Variants in PLEKHA8 observed in about 807,000 individuals in gnomAD.
PLEKHA8 encodes the protein pleckstrin homology domain containing A8.
A neutral mutation model predicts 68.2 loss-of-function variants in PLEKHA8; 36 were observed. The ratio of observed to expected loss-of-function variants is 0.53; its 90% confidence interval spans 0.40 to 0.70. The LOEUF is 0.70. PLEKHA8 is among the 30% of genes least tolerant of loss of function. The pLI, the probability that PLEKHA8 is intolerant of heterozygous loss-of-function variation, is 0.00. For synonymous variants in PLEKHA8, 211 were observed against 216.1 expected (o/e 0.98, Z 0.20); for missense variants, 505 against 615.4 (o/e 0.82, Z 1.90).
rs752514456 is a variant in PLEKHA8 at position 30,046,479 on chromosome 7, C to G, written c.313+114C>G. ...CACCTAGCCAGCTTTTTGTGTCATG[C>G]AAATGCTGTGTATCTTAGTATAATT... On this transcript the variant is annotated intron_variant, in intron 3 of 13. Transcript: ENST00000449726. The G allele has an allele frequency of 2.6e-6, 3 of 1,175,358 alleles. No homozygotes were observed. The African/African-American group carries it at 4.7e-5, about 18-fold the overall frequency. 72.8% of individuals were successfully genotyped at this position (1,175,358 alleles called of 1,614,324 possible). A position where few individuals can be genotyped will look rare whatever the true frequency, so the allele number is the denominator to read the frequency against.
At chr7:30,099,145 A>G (rs1280784308) in intron 13 of PLEKHA8, among the ~76,000 whole-genome samples, 1 of 152,216 alleles carries the variant, frequency 6.6e-6, no homozygotes, top group Non-Finnish European at 1.5e-5. Context: ...ATTTAATCAC[A>G]CATCCAAACA....
chr7:30,083,724 C>T lies in PLEKHA8; in HGVS notation c.*4937C>T. The stretch of plus-strand genomic sequence containing the variant: ...TTAATCACTTCTGTTCCAGAGTGAA[C>T]AAATGTTTTCAGCTAAGCTATGTGA... On this transcript the variant is annotated 3_prime_UTR_variant, in exon 14 of 14. Coordinates refer to ENST00000449726, the MANE Select transcript of PLEKHA8 (RefSeq NM_001197026.2). The T allele has an allele frequency of 1.0e-6, 1 of 985,198 alleles. No homozygotes were observed. The highest frequency in any genetic ancestry group is 1.2e-6 in the Non-Finnish European group (1 of 829,766). 61.0% of individuals were successfully genotyped at this position (985,198 alleles called of 1,614,324 possible).
chr7:30,031,747 T>A (rs1790682181), intron 1 of PLEKHA8, among the ~76,000 whole-genome samples: 1 of 152,242 alleles, frequency 6.6e-6, no homozygotes, highest in South Asian at 2.1e-4. Context: ...TCTCTCCTGC[T>A]GCATTTATTG....
downstream of PLEKHA8, chr7:30,084,687 A>G (rs148914856): frequency 7.4e-4 from 647 of 871,294 alleles, 2 homozygotes; most frequent in African/African-American, 0.011. Context: ...TTTTCTGCCT[A>G]ATTGAATATG....
At position 30,056,598 on chromosome 7, in the gene PLEKHA8, G is replaced by A. The variant is rs113483094; in HGVS notation, c.1039+1256G>A. Among the ~76,000 whole-genome samples the A allele has an allele frequency of 6.7e-4, 99 of 146,844 alleles. 2 individuals carry two copies. The highest frequency in any genetic ancestry group is 2.3e-3 in the African/African-American group (91 of 40,346). Reference sequence around the variant, plus strand: ...ACAAAAATTAGCTGAGTGTGGTGGCGCGCACCTGTAATCCCAGTTACTCAG... The same window carrying A: ...ACAAAAATTAGCTGAGTGTGGTGGCACGCACCTGTAATCCCAGTTACTCAG... On this transcript the variant is annotated intron_variant, in intron 9 of 13. Coordinates refer to ENST00000449726, the MANE Select transcript of PLEKHA8 (RefSeq NM_001197026.2).
At chr7:30,093,147 G>C (rs1349618904), downstream of PLEKHA8, among the ~76,000 whole-genome samples, 11 of 152,102 alleles carry the variant, frequency 7.2e-5, no homozygotes, top group Admixed American at 7.2e-4. Context: ...GCCTAAACTG[G>C]GGCCAACTGG....
chr7:30,090,192 G>A (rs77266350), exon 13 of PLEKHA8: 53,652 of 1,549,154 alleles, frequency 0.035, 1,074 homozygotes, highest in Non-Finnish European at 0.042. Context: ...AACATACCCT[G>A]ATGAAGATCC....
chr7:30,052,100 C>T (rs139242389), intron 6 of PLEKHA8, among the ~76,000 whole-genome samples: 305 of 152,204 alleles, frequency 2.0e-3, no homozygotes, highest in African/African-American at 6.9e-3. Flanking sequence ...AAAGTGGCAC[C>T]GGAGAAAACT....
rs1366221566 is a variant in PLEKHA8, at chr7:30,050,441, AT to A, written c.606del (p.Pro203LeufsTer15). 17 of 1,579,688 alleles carry A rather than the reference AT, an allele frequency of 1.1e-5. No individual in the cohort carries two copies. The highest frequency in any genetic ancestry group is 4.1e-5 in the African/African-American group (3 of 73,350). On this transcript the variant is annotated frameshift_variant, in exon 6 of 14. Coordinates refer to ENST00000449726, the MANE Select transcript of PLEKHA8 (RefSeq NM_001197026.2). LOFTEE classifies it high-confidence loss of function. ...LAMLKSSKMK[H>X]PIIPIHNSLE... is the part of the protein sequence containing the mutation. Reference sequence around the variant, plus strand: ...TCTTTGCTTCTTTTAAAGATGAAACATCCTATTATACCAATTCATAATTCAT... The same window carrying A: ...TCTTTGCTTCTTTTAAAGATGAAACACCTATTATACCAATTCATAATTCAT...
intron 1 of PLEKHA8, among the ~76,000 whole-genome samples, chr7:30,044,108 G>A (rs576753364): frequency 6.7e-6 from 1 of 149,934 alleles, no homozygotes; most frequent in African/African-American, 2.5e-5. Context: ...CCGGGTTCAA[G>A]CGATTCTCCT....
At chr7:30,114,516 C>T (rs1796367203) in intron 13 of PLEKHA8, among the ~76,000 whole-genome samples, 1 of 152,236 alleles carries the variant, frequency 6.6e-6, no homozygotes, top group African/African-American at 2.4e-5. Flanking sequence ...GTTTTAATTA[C>T]ATCTTTTAGG....
In PLEKHA8 at chr7:30,077,577, C is replaced by T. The variant is rs548577492; in HGVS notation, c.1363-1013C>T. Among the ~76,000 whole-genome samples the T allele has an allele frequency of 1.1e-4, 17 of 152,274 alleles. No individual in the cohort carries two copies. In the South Asian group the frequency reaches 3.5e-3, roughly 32 times the overall value. On this transcript the variant is annotated intron_variant, in intron 13 of 13. Transcript: ENST00000449726. ...AGATTCTAGGAAGTTAAGCACTTTG[C>T]ATAAATTCCTCAAACTGGTATGTGA... is the stretch of plus-strand genomic sequence containing the variant.
intron 13 of PLEKHA8, among the ~76,000 whole-genome samples, chr7:30,098,849 A>G (rs976946520): frequency 6.6e-6 from 1 of 152,176 alleles, no homozygotes; most frequent in Non-Finnish European, 1.5e-5. Context: ...GGCACTCCCC[A>G]GTGAGATAAA....
At chr7:30,062,864 A>G in intron 12 of PLEKHA8, 122 bp downstream of exon 12, 1 of 701,682 alleles carries the variant, frequency 1.4e-6, no homozygotes, top group South Asian at 2.2e-5. Context: ...TTCTTTTCTT[A>G]TTTCATTATT....
intron 13 of PLEKHA8, among the ~76,000 whole-genome samples, chr7:30,111,229 A>G (rs552565854): frequency 2.0e-5 from 3 of 152,220 alleles, no homozygotes; most frequent in Non-Finnish European, 4.4e-5. Flanking sequence ...AGAGTTCTTT[A>G]TATATTCTGG....
chr7:30,097,733 T>G (rs1795675892), intron 13 of PLEKHA8, among the ~76,000 whole-genome samples: 1 of 152,188 alleles, frequency 6.6e-6, no homozygotes, highest in African/African-American at 2.4e-5. Flanking sequence ...TTTGTCTAAT[T>G]TTTTTGCAAG....
In PLEKHA8 at chr7:30,084,143, A is replaced by G. The variant is rs915999236; in HGVS notation, c.*5356A>G. On this transcript the variant is annotated 3_prime_UTR_variant, in exon 14 of 14. Transcript: ENST00000449726. ...CAGATAAATTTAATCTGGTTAATAG[A>G]CTTAACAAATTAATGTCTACATAAA... 15 of 985,176 alleles carry G rather than the reference A, an allele frequency of 1.5e-5. No individual in the cohort carries two copies. Among genetic ancestry groups the G allele is most frequent in the African/African-American group, 1.7e-5 (1 of 57,248 alleles). 61.0% of individuals were successfully genotyped at this position (985,176 alleles called of 1,614,324 possible).
At chr7:30,092,844 G>A (rs945015916), downstream of PLEKHA8, among the ~76,000 whole-genome samples, 4 of 152,156 alleles carry the variant, frequency 2.6e-5, no homozygotes, top group Admixed American at 6.5e-5. Flanking sequence ...AAGTGAGATC[G>A]AGAGAAAGTG....
chr7:30,083,208 T>A lies in PLEKHA8; in HGVS notation c.*4421T>A. 1.0e-6 allele frequency: 1 copy of A among 983,578 alleles called. No individual in the cohort carries two copies. Among genetic ancestry groups the A allele is most frequent in the South Asian group, 4.7e-5 (1 of 21,262 alleles). The allele number at this position is 983,578 out of a possible 1,614,324, so 60.9% of individuals were successfully genotyped here. A position where few individuals can be genotyped will look rare whatever the true frequency, so the allele number is the denominator to read the frequency against. On this transcript the variant is annotated 3_prime_UTR_variant, in exon 14 of 14. Transcript: ENST00000449726. ...GGCTCTACACAAACTTCATTATGTATGGTAAATTTGTATTCTTATGGATTG... is the reference window on the plus strand; with the variant it reads ...GGCTCTACACAAACTTCATTATGTAAGGTAAATTTGTATTCTTATGGATTG...
Sources: allele counts gnomAD v4.1 joint callset (sites outside exome capture counted in the v4.1 genomes callset), GRCh38; gene constraint gnomAD v4.1.1; transcripts MANE v1.5; gene names NCBI Gene and HGNC (gene_info 2026-07-23, HGNC 2026-07-21).